DCX: variants seen among roughly 807,000 people sequenced by gnomAD.
DCX encodes doublecortin.
In DCX, 4 loss-of-function variants were observed where a neutral mutation model predicts 20.9. The observed-to-expected ratio is 0.19, with a 90% CI of 0.09 to 0.44. The LOEUF (loss-of-function observed/expected upper bound fraction) is 0.44. DCX is among the 20% of genes least tolerant of loss of function. The pLI is 0.99. For missense variants in DCX, 133 were observed against 296.9 expected (o/e 0.45, Z 4.06); for synonymous variants, 103 against 111.4 (o/e 0.92, Z 0.47).
chrX:111,401,757 T>C (rs1470543436), intron 2 of DCX, among the ~76,000 whole-genome samples: 1 of 108,954 alleles, frequency 9.2e-6, no homozygotes, highest in Non-Finnish European at 1.9e-5. Context: ...CAAAGTCCCA[T>C]CCCTTTGTGA....
chrX:111,361,924 G>A (rs1161679304), intron 3 of DCX, among the ~76,000 whole-genome samples: 1 of 112,006 alleles, frequency 8.9e-6, no homozygotes, highest in East Asian at 2.8e-4. Context: ...TGGTTTTCAT[G>A]AATTAGGGCT....
chrX:111,350,120 C>G (rs1923186647), intron 3 of DCX, among the ~76,000 whole-genome samples: 1 of 111,539 alleles, frequency 9.0e-6, no homozygotes, highest in Admixed American at 9.5e-5. Context: ...ATAGCCTAAT[C>G]TCACATTTCT....
At position 111,297,741 on chromosome X, in the gene DCX, T is replaced by G. The variant is rs2095024725; in HGVS notation, c.*3946A>C. 1 of 111,543 alleles carries G rather than the reference T, an allele frequency of 9.0e-6. No individual in the cohort carries two copies. The highest frequency in any genetic ancestry group is 1.9e-5 in the Non-Finnish European group (1 of 53,089). The allele number at this position is 111,543 out of a possible 1,213,427, so 9.2% of individuals were successfully genotyped here. On this transcript the variant is annotated 3_prime_UTR_variant, in exon 7 of 7. Coordinates refer to ENST00000636035, the MANE Select transcript of DCX (RefSeq NM_001195553.2). ...AAGGAAAACCATGTGTTTGGACCCT[T>G]TTGCCCTGGTTTCTGCTGTGGAAGG...
At chrX:111,328,167 T>C (rs1045969554) in intron 5 of DCX, among the ~76,000 whole-genome samples, 1 of 112,210 alleles carries the variant, frequency 8.9e-6, no homozygotes, top group Non-Finnish European at 1.9e-5. Flanking sequence ...TTGGTTACTC[T>C]GTTTATCGTG....
chrX:111,322,133 T>G (rs143896461), intron 5 of DCX, among the ~76,000 whole-genome samples: 1 of 112,263 alleles, frequency 8.9e-6, no homozygotes, highest in Admixed American at 9.4e-5. Context: ...TCTGCAGTTA[T>G]TTTTAGAGCA....
Position 111,301,723 on chromosome X carries a change from G to C in DCX, c.1065C>G (p.Ser355=). 1 of 1,211,465 alleles carries C rather than the reference G, an allele frequency of 8.3e-7. No homozygotes were observed. The highest frequency in any genetic ancestry group is 1.1e-6 in the Non-Finnish European group (1 of 895,281). The stretch of plus-strand genomic sequence containing the variant: ...CACCAAGCGAGTCCGAGTCATCCAA[G>C]GACAGAGGCAGGTACAGGTCCTATA... ...KHKVDLYLPL[S]LDDSDSLGDS... is the part of the protein sequence containing the mutation. Residue 355 remains serine (S), a synonymous_variant, in exon 7 of 7, where the codon TCC becomes TCG. Transcript: ENST00000636035.
At chrX:111,399,896 A>C (rs971966061) in intron 3 of DCX, among the ~76,000 whole-genome samples, 2 of 111,771 alleles carry the variant, frequency 1.8e-5, no homozygotes, top group Non-Finnish European at 3.8e-5. Context: ...ATATTTCTCA[A>C]AATTGCAAAG....
At chrX:111,368,901 T>TATACACACACACACACACAC (rs1467693516) in intron 3 of DCX, among the ~76,000 whole-genome samples, 5 of 98,265 alleles carry the variant, frequency 5.1e-5, no homozygotes, top group African/African-American at 1.9e-4. Flanking sequence ...TATATATACA[T>TATACACACACACACACACAC]ACACACACAC....
chrX:111,364,547 T>C (rs1467697590), intron 3 of DCX, among the ~76,000 whole-genome samples: 1 of 112,040 alleles, frequency 8.9e-6, no homozygotes, highest in Non-Finnish European at 1.9e-5. Flanking sequence ...GTGTGTTCCA[T>C]AAACCAGCAT....
chrX:111,355,038 A>G (rs770516012), intron 3 of DCX, among the ~76,000 whole-genome samples: 4 of 112,411 alleles, frequency 3.6e-5, no homozygotes, highest in Non-Finnish European at 7.5e-5. Context: ...TTTCAGTCTA[A>G]TTTTCTTTGC....
rs1012175031 is a variant in DCX, at chrX:111,392,088, C to A, written c.705+8902G>T. On this transcript the variant is annotated intron_variant, in intron 3 of 6. Coordinates refer to ENST00000636035, the MANE Select transcript of DCX (RefSeq NM_001195553.2). Reference sequence around the variant, plus strand: ...AATAGCTTCTTAGGATTTGTTCTAGCTTTAAGAAAAGTTAATAAAGAAACC... The same window carrying A: ...AATAGCTTCTTAGGATTTGTTCTAGATTTAAGAAAAGTTAATAAAGAAACC... 2.7e-5 allele frequency among the ~76,000 whole-genome samples: 3 copies of A among 111,322 alleles called. No individual in the cohort carries two copies. The East Asian group carries it at 8.5e-4, about 32-fold the overall frequency.
intron 3 of DCX, among the ~76,000 whole-genome samples, chrX:111,334,391 T>C (rs931195142): frequency 2.7e-5 from 3 of 111,675 alleles, no homozygotes; most frequent in Non-Finnish European, 5.6e-5. Flanking sequence ...CCTCATCAAA[T>C]TGGCCAACAC....
At chrX:111,340,221 A>T (rs1234448426) in intron 3 of DCX, among the ~76,000 whole-genome samples, 3 of 112,477 alleles carry the variant, frequency 2.7e-5, no homozygotes, top group Non-Finnish European at 5.6e-5. Context: ...GTCCCAAGAC[A>T]TGTCCACAAC....
intron 5 of DCX, among the ~76,000 whole-genome samples, chrX:111,328,203 T>C (rs1414350535): frequency 9.0e-6 from 1 of 111,682 alleles, no homozygotes; most frequent in East Asian, 2.8e-4. Flanking sequence ...CCTCATTTCT[T>C]TTTTTCTTTT....
At chrX:111,379,229 CA>C (rs1373672368) in intron 3 of DCX, among the ~76,000 whole-genome samples, 1 of 111,441 alleles carries the variant, frequency 9.0e-6, no homozygotes, top group African/African-American at 3.3e-5. Context: ...ATTTATATAC[CA>C]CGCAATTCAC....
At chrX:111,351,604 G>T (rs776043405) in intron 3 of DCX, among the ~76,000 whole-genome samples, 9 of 112,368 alleles carry the variant, frequency 8.0e-5, no homozygotes, top group African/African-American at 2.9e-4. Flanking sequence ...CAACAGTCTA[G>T]TGGAAGTGAT....
intron 3 of DCX, among the ~76,000 whole-genome samples, chrX:111,352,873 GA>G (rs1388032474): frequency 5.7e-4 from 61 of 106,786 alleles, no homozygotes; most frequent in African/African-American, 2.0e-3. Flanking sequence ...GAGAGAGAGA[GA>G]GGAGGCAATG....
intron 5 of DCX, among the ~76,000 whole-genome samples, chrX:111,327,545 A>G (rs1216771434): frequency 8.9e-6 from 1 of 112,493 alleles, no homozygotes; most frequent in Non-Finnish European, 1.9e-5. Context: ...ATTGTAAATA[A>G]CTGATAACAA....
In DCX at chrX:111,300,248, T is replaced by C. The variant is rs1191730483; in HGVS notation, c.*1439A>G. 3 of 111,901 alleles carry C rather than the reference T, an allele frequency of 2.7e-5. No homozygotes were observed. The highest frequency in any genetic ancestry group is 7.4e-4 in the South Asian group (2 of 2,686). 9.2% of individuals were successfully genotyped at this position (111,901 alleles called of 1,213,427 possible). ...TAGTTGTCTTTGCCATTATGGGCTA[T>C]GATTACAGAAAAAAAAAAGCAGTGT... On this transcript the variant is annotated 3_prime_UTR_variant, in exon 7 of 7. Coordinates refer to ENST00000636035, the MANE Select transcript of DCX (RefSeq NM_001195553.2).
Sources: allele counts gnomAD v4.1 joint callset (sites outside exome capture counted in the v4.1 genomes callset), GRCh38; gene constraint gnomAD v4.1.1; transcripts MANE v1.5; gene names NCBI Gene and HGNC (gene_info 2026-07-23, HGNC 2026-07-21).